TRAPPC9: variants seen among roughly 807,000 people sequenced by gnomAD.
TRAPPC9 encodes the protein trafficking protein particle complex subunit 9.
A neutral mutation model predicts 124.0 loss-of-function variants in TRAPPC9; 83 were observed. That is an observed-to-expected ratio of 0.67 (90% CI 0.56 to 0.80). TRAPPC9 has a LOEUF of 0.80. Ranked by LOEUF, TRAPPC9 falls within the 30% of genes least tolerant of loss-of-function variation. The pLI is 0.00. For synonymous variants in TRAPPC9, 638 were observed against 617.5 expected (o/e 1.03, Z -0.49); for missense variants, 1,302 against 1,508.3 (o/e 0.86, Z 2.27).
Position 140,246,129 on chromosome 8 carries a change from T to C in TRAPPC9, c.2431+6648A>G, listed in dbSNP as rs555607554. Among the ~76,000 whole-genome samples, 6 of 152,356 alleles carry C rather than the reference T, an allele frequency of 3.9e-5. No homozygotes were observed. In the South Asian group the frequency reaches 6.2e-4, roughly 16 times the overall value. ...GGGCGAACAATTCTCTCAAGTAGCA[T>C]TGAGAACTCATGGACTGAAACACAG... On this transcript the variant is annotated intron_variant, in intron 16 of 22. Transcript: ENST00000438773.
intron 14 of TRAPPC9, among the ~76,000 whole-genome samples, chr8:140,283,575 T>C (rs1014131469): frequency 6.6e-6 from 1 of 151,858 alleles, no homozygotes; most frequent in Non-Finnish European, 1.5e-5. Flanking sequence ...GGATTACACA[T>C]GTGAGCCACC....
At chr8:139,802,136 C>T (rs12680346) in intron 21 of TRAPPC9, among the ~76,000 whole-genome samples, 73,576 of 152,014 alleles carry the variant, frequency 0.48, 18,207 homozygotes, top group Non-Finnish European at 0.52. Context: ...CAGTACAGAA[C>T]GGCATGGGTC....
chr8:139,814,364 G>GTCA (rs1296458917), intron 21 of TRAPPC9, among the ~76,000 whole-genome samples: 2 of 152,210 alleles, frequency 1.3e-5, no homozygotes, highest in African/African-American at 4.8e-5. Flanking sequence ...CCCTCAAGCT[G>GTCA]TCAGGAAATG....
chr8:139,838,577 C>T (rs1826512244), intron 21 of TRAPPC9, among the ~76,000 whole-genome samples: 1 of 152,138 alleles, frequency 6.6e-6, no homozygotes, highest in Admixed American at 6.5e-5. Flanking sequence ...CTCTGAACCA[C>T]CCTGGCGGGT....
chr8:140,250,563 G>A (rs1034952513), intron 16 of TRAPPC9, among the ~76,000 whole-genome samples: 6 of 152,160 alleles, frequency 3.9e-5, no homozygotes, highest in East Asian at 1.9e-4. Flanking sequence ...TAAGGGCGCC[G>A]TGATTGTCTC....
intron 14 of TRAPPC9, among the ~76,000 whole-genome samples, chr8:140,276,157 C>T (rs2065112287): frequency 6.6e-6 from 1 of 152,192 alleles, no homozygotes; most frequent in East Asian, 1.9e-4. Flanking sequence ...TGAATTCATT[C>T]AAATAAACCA....
chr8:140,408,175 C>A (rs2069562851), intron 5 of TRAPPC9, among the ~76,000 whole-genome samples: 1 of 152,046 alleles, frequency 6.6e-6, no homozygotes, highest in African/African-American at 2.4e-5. Flanking sequence ...GGACCAGAGC[C>A]ATCAAGACCC....
At chr8:140,370,869 A>T (rs1563979994) in intron 8 of TRAPPC9, 95 bp downstream of exon 8, 1 of 1,425,894 alleles carries the variant, frequency 7.0e-7, no homozygotes, top group East Asian at 2.3e-5. Context: ...CACCAGCACC[A>T]ACCACGATGT....
At chr8:140,056,107 AGTAAT>A (rs1842275497) in intron 17 of TRAPPC9, among the ~76,000 whole-genome samples, 1 of 152,176 alleles carries the variant, frequency 6.6e-6, no homozygotes, top group Non-Finnish European at 1.5e-5. Flanking sequence ...GCAAAGCTAT[AGTAAT>A]TAAAACAGCA....
At chr8:139,882,765 G>A (rs1017767506) in intron 21 of TRAPPC9, among the ~76,000 whole-genome samples, 13 of 152,216 alleles carry the variant, frequency 8.5e-5, no homozygotes, top group African/African-American at 3.1e-4. Context: ...AATCCCTGGA[G>A]TAACTTATCC....
intron 21 of TRAPPC9, among the ~76,000 whole-genome samples, chr8:139,878,765 G>T (rs1829492006): frequency 6.6e-6 from 1 of 152,172 alleles, no homozygotes; most frequent in Admixed American, 6.5e-5. Context: ...GGGAGTTCAA[G>T]ACCAGCCTGG....
At chr8:139,864,439 T>C (rs927043958) in intron 21 of TRAPPC9, among the ~76,000 whole-genome samples, 2 of 152,216 alleles carry the variant, frequency 1.3e-5, no homozygotes, top group African/African-American at 2.4e-5. Flanking sequence ...CCATCACTTA[T>C]TTTTAGCACG....
At chr8:140,344,429 T>C (rs955997157) in intron 9 of TRAPPC9, among the ~76,000 whole-genome samples, 2 of 150,420 alleles carry the variant, frequency 1.3e-5, no homozygotes, top group South Asian at 4.3e-4. Flanking sequence ...GCACGGGGAG[T>C]CAACAGACAT....
chr8:139,738,456 C>T (rs1333476596), intron 21 of TRAPPC9, among the ~76,000 whole-genome samples: 1 of 152,196 alleles, frequency 6.6e-6, no homozygotes, highest in East Asian at 1.9e-4. Context: ...AGACCCTGGG[C>T]CATCGGAGTA....
intron 19 of TRAPPC9, chr8:139,932,600 A>G (rs1833249747): frequency 2.3e-6 from 1 of 438,078 alleles, no homozygotes; most frequent in Non-Finnish European, 4.6e-6. Flanking sequence ...CGTCTCTACT[A>G]ATTTACAAAA....
At chr8:139,878,380 GT>G (rs1223801810) in intron 21 of TRAPPC9, among the ~76,000 whole-genome samples, 15 of 152,172 alleles carry the variant, frequency 9.9e-5, no homozygotes, top group Non-Finnish European at 1.9e-4. Context: ...GGGAAAGGCT[GT>G]TTTTTTATCT....
At chr8:140,024,103 T>A (rs74316023) in intron 17 of TRAPPC9, 24 bp from the exon 18 acceptor site, 29 of 1,594,222 alleles carry the variant, frequency 1.8e-5, no homozygotes, top group Non-Finnish European at 2.4e-5. Flanking sequence ...AAAAAAAAAA[T>A]ACACACACAC....
At chr8:140,130,772 C>G (rs1267665257) in intron 17 of TRAPPC9, among the ~76,000 whole-genome samples, 1 of 152,132 alleles carries the variant, frequency 6.6e-6, no homozygotes. Context: ...GACAGGGCAT[C>G]GGGTTAACAG....
At chr8:139,916,285 G>C (rs1375726868) in intron 19 of TRAPPC9, 1 of 152,220 alleles carries the variant, frequency 6.6e-6, no homozygotes, top group Non-Finnish European at 1.5e-5. Context: ...GTAAGATTTT[G>C]TGTAGATTAG....
Sources: allele counts gnomAD v4.1 joint callset (sites outside exome capture counted in the v4.1 genomes callset), GRCh38; gene constraint gnomAD v4.1.1; transcripts MANE v1.5; gene names NCBI Gene and HGNC (gene_info 2026-07-23, HGNC 2026-07-21).